Variants in RBFOX1 observed in about 807,000 individuals in gnomAD.
RBFOX1 encodes the protein RNA binding fox-1 homolog 1.
Under a neutral mutation model 57.7 loss-of-function variants are expected in RBFOX1, and 8 were observed. The observed-to-expected ratio is 0.14, with a 90% confidence interval of 0.08 to 0.25. The LOEUF is 0.25. Ranked by LOEUF, RBFOX1 falls within the 10% of genes least tolerant of loss-of-function variation. The probability of loss-of-function intolerance (pLI) is 1.00; values close to 1 mark genes in which losing one functional copy is unlikely to be tolerated. For synonymous variants in RBFOX1, 326 were observed against 222.4 expected (o/e 1.47, Z -4.15); for missense variants, 611 against 548.5 (o/e 1.11, Z -1.14).
chr16:6,113,082 G>A (rs2096463154), intron 1 of RBFOX1, among the ~76,000 whole-genome samples: 1 of 152,130 alleles, frequency 6.6e-6, no homozygotes, highest in African/African-American at 2.4e-5. Flanking sequence ...TCCTGAGTCT[G>A]TGGATAAGCA....
intron 2 of RBFOX1, among the ~76,000 whole-genome samples, chr16:5,535,792 T>C (rs902079715): frequency 2.0e-5 from 3 of 152,216 alleles, no homozygotes; most frequent in African/African-American, 7.2e-5. Context: ...CTCTTATGTA[T>C]GTCACCAGGT....
At chr16:6,663,563 C>G (rs1055877184) in intron 3 of RBFOX1, among the ~76,000 whole-genome samples, 20 of 152,086 alleles carry the variant, frequency 1.3e-4, no homozygotes, top group African/African-American at 4.8e-4. Flanking sequence ...AAGGAGTTTC[C>G]CTTCAAAGAC....
chr16:7,106,984 A>AAAAAAACACAC (rs529197707), intron 4 of RBFOX1, among the ~76,000 whole-genome samples: 1 of 148,514 alleles, frequency 6.7e-6, no homozygotes, highest in Non-Finnish European at 1.5e-5. Context: ...ACACAGTTAA[A>AAAAAAACACAC]ACACACACAC....
intron 3 of RBFOX1, among the ~76,000 whole-genome samples, chr16:6,697,219 C>G (rs1341792124): frequency 6.6e-6 from 1 of 152,120 alleles, no homozygotes; most frequent in African/African-American, 2.4e-5. Flanking sequence ...ATAGTGGTCA[C>G]TGTAGTGGTA....
At chr16:5,389,952 G>T (rs566655581) in intron 1 of RBFOX1, among the ~76,000 whole-genome samples, 1 of 151,956 alleles carries the variant, frequency 6.6e-6, no homozygotes, top group Non-Finnish European at 1.5e-5. Context: ...CCCTTCCTCC[G>T]CCTCCCAAAG....
At chr16:6,393,421 A>G (rs1460554616) in intron 2 of RBFOX1, among the ~76,000 whole-genome samples, 1 of 152,196 alleles carries the variant, frequency 6.6e-6, no homozygotes, top group Non-Finnish European at 1.5e-5. Context: ...TTTGGGTGTT[A>G]GGATTCTTAT....
chr16:5,374,554 G>T (rs12919563), intron 1 of RBFOX1, among the ~76,000 whole-genome samples: 1 of 152,014 alleles, frequency 6.6e-6, no homozygotes, highest in Non-Finnish European at 1.5e-5. Flanking sequence ...GGGGAGAGTG[G>T]GGTGGAATTA....
At chr16:7,573,079 T>G (rs1454632183) in intron 5 of RBFOX1, among the ~76,000 whole-genome samples, 1 of 150,472 alleles carries the variant, frequency 6.6e-6, no homozygotes, top group Non-Finnish European at 1.5e-5. Flanking sequence ...GGAGAGAGAG[T>G]GCTGGTGCAG....
chr16:5,920,924 G>A (rs7205512), intron 4 of RBFOX1, among the ~76,000 whole-genome samples: 51,656 of 116,578 alleles, frequency 0.44, 9,195 homozygotes, highest in East Asian at 0.58. Flanking sequence ...GCAGTGGTGG[G>A]ATGTGAACAT....
chr16:6,304,516 C>T (rs567664597), intron 1 of RBFOX1, among the ~76,000 whole-genome samples: 88 of 152,188 alleles, frequency 5.8e-4, no homozygotes, highest in African/African-American at 2.0e-3. Flanking sequence ...ATCTTCCCTA[C>T]AGAGCCGTAT....
chr16:5,710,214 C>G (rs977404431), intron 3 of RBFOX1, among the ~76,000 whole-genome samples: 1 of 152,002 alleles, frequency 6.6e-6, no homozygotes, highest in African/African-American at 2.4e-5. Flanking sequence ...TATTTTGTCA[C>G]TTTGCAGATG....
chr16:5,573,309 C>A lies in RBFOX1; in HGVS notation c.259-25593C>A, dbSNP rs531874983. The stretch of plus-strand genomic sequence containing the variant: ...ACGGCCTCGGGTGGGAGGTGAAGGC[C>A]ACAAAGGTGGTTCTTCTCCAGCTTT... On this transcript the variant is annotated intron_variant, in intron 2 of 2. Transcript: ENST00000585867. Among the ~76,000 whole-genome samples the A allele has an allele frequency of 1.1e-4, 16 of 152,238 alleles. No homozygotes were observed. The South Asian group carries it at 1.2e-3, about 12-fold the overall frequency.
intron 10 of RBFOX1, among the ~76,000 whole-genome samples, chr16:7,613,694 G>C (rs2057955398): frequency 6.6e-6 from 1 of 152,068 alleles, no homozygotes; most frequent in Admixed American, 6.5e-5. Context: ...GTCAAAAGAA[G>C]GTCTATGAAG....
At chr16:5,415,036 C>T (rs909562421) in intron 1 of RBFOX1, among the ~76,000 whole-genome samples, 8 of 152,070 alleles carry the variant, frequency 5.3e-5, no homozygotes, top group Admixed American at 3.9e-4. Flanking sequence ...AGGTTGACCC[C>T]GTTTATCATT....
chr16:5,264,748 G>A (rs1292347140), intron 1 of RBFOX1, among the ~76,000 whole-genome samples: 2 of 152,084 alleles, frequency 1.3e-5, no homozygotes, highest in Non-Finnish European at 2.9e-5. Flanking sequence ...TTCTAGCTAG[G>A]AGCTTTTAAT....
At chr16:6,990,422 G>A (rs1309645025) in intron 3 of RBFOX1, among the ~76,000 whole-genome samples, 1 of 152,098 alleles carries the variant, frequency 6.6e-6, no homozygotes, top group Non-Finnish European at 1.5e-5. Flanking sequence ...CTATTCAGGA[G>A]TCGGAGGCAG....
chr16:5,732,734 G>A (rs1178678956), intron 3 of RBFOX1, among the ~76,000 whole-genome samples: 1 of 152,114 alleles, frequency 6.6e-6, no homozygotes, highest in Non-Finnish European at 1.5e-5. Context: ...TTTACTACAA[G>A]TCACTTAAGT....
intron 1 of RBFOX1, among the ~76,000 whole-genome samples, chr16:5,294,595 G>A (rs2063616443): frequency 6.6e-6 from 1 of 152,132 alleles, no homozygotes; most frequent in Non-Finnish European, 1.5e-5. Context: ...TGTGGGTGGG[G>A]CCGAGGACTG....
intron 2 of RBFOX1, among the ~76,000 whole-genome samples, chr16:6,522,081 A>G (rs977979398): frequency 3.3e-5 from 5 of 152,070 alleles, no homozygotes; most frequent in African/African-American, 1.2e-4. Context: ...ATCTAGAAAA[A>G]CTGGCATGTG....
Sources: allele counts gnomAD v4.1 joint callset (sites outside exome capture counted in the v4.1 genomes callset), GRCh38; gene constraint gnomAD v4.1.1; transcripts MANE v1.5; gene names NCBI Gene and HGNC (gene_info 2026-07-23, HGNC 2026-07-21).